Variants in BICRA observed in about 807,000 individuals in gnomAD.
BICRA encodes BRD4-interacting chromatin-remodeling complex-associated protein.
BICRA carries 31 observed loss-of-function variants against 96.9 expected under a neutral mutation model. That is an observed-to-expected ratio of 0.32 (90% CI 0.24 to 0.43). The LOEUF (loss-of-function observed/expected upper bound fraction) is 0.43. Among genes scored for constraint, BICRA ranks in the 20% least tolerant of loss-of-function variants. The pLI, the probability that BICRA is intolerant of heterozygous loss-of-function variation, is 1.00. For synonymous variants in BICRA, 1,350 were observed against 1,071.8 expected (o/e 1.26, Z -5.07); for missense variants, 2,283 against 2,190.3 (o/e 1.04, Z -0.84).
chr19:47,673,983 G>T (rs1191699368), intron 4 of BICRA, among the ~76,000 whole-genome samples: 1 of 152,066 alleles, frequency 6.6e-6, no homozygotes, highest in Non-Finnish European at 1.5e-5. Context: ...ACTAATAAAG[G>T]TAATGGTGAA....
Position 47,680,327 on chromosome 19 carries a change from C to A in BICRA, c.1157C>A (p.Ala386Glu). The A allele has an allele frequency of 6.5e-7, 1 of 1,537,750 alleles. No homozygotes were observed. Among genetic ancestry groups the A allele is most frequent in the Non-Finnish European group, 8.7e-7 (1 of 1,148,862 alleles). ...ATLTIQGEPG[A>E]LPQQPKAPQN... ...CTCACCATCCAGGGCGAGCCGGGGG[C>A]GCTCCCGCAGCAGCCCAAGGCCCCG... Residue 386 changes from alanine (A) to glutamate (E), a missense_variant, in exon 6 of 15, where the codon GCG becomes GAG. Ala to Glu is a moderately radical substitution (Grantham distance 107). Coordinates refer to ENST00000594866, the MANE Select transcript of BICRA (RefSeq NM_001394372.1).
chr19:47,656,423 G>C (rs903581948), intron 1 of BICRA, among the ~76,000 whole-genome samples: 1 of 152,184 alleles, frequency 6.6e-6, no homozygotes, highest in African/African-American at 2.4e-5. Flanking sequence ...CATAAGCCAA[G>C]GTTTTATATT....
chr19:47,622,389 G>T (rs1177227822), intron 1 of BICRA, among the ~76,000 whole-genome samples: 1 of 147,156 alleles, frequency 6.8e-6, no homozygotes, highest in African/African-American at 2.5e-5. Context: ...GAGCCACCAC[G>T]CCTGAGTGTA....
Position 47,701,922 on chromosome 19 carries a change from GC to G in BICRA, c.4193del (p.Pro1398LeufsTer47), listed in dbSNP as rs1568582073. Reference protein sequence around the residue: ...LRKTYRENVGGPGAPEGTPAG... With the variant: ...LRKTYRENVGXPGAPEGTPAG... ...AAGACCTACCGCGAGAACGTGGGGG[GC>G]CCTGGCGCGCCGGAGGGGACGCCCG... On this transcript the variant is annotated frameshift_variant, in exon 15 of 15. Transcript: ENST00000594866. LOFTEE classifies it high-confidence loss of function. This position sits in a 1 kb window ranked among gnomAD's most constrained non-coding sequence, Gnocchi z 5.4. 1 of 1,431,650 alleles carries G rather than the reference GC, an allele frequency of 7.0e-7. No individual in the cohort carries two copies. The highest frequency in any genetic ancestry group is 9.1e-7 in the Non-Finnish European group (1 of 1,101,908). The allele number at this position is 1,431,650 out of a possible 1,614,324, so 88.7% of individuals were successfully genotyped here.
Position 47,675,730 on chromosome 19 carries a change from C to A in BICRA, c.85-121C>A. The A allele has an allele frequency of 1.3e-6, 1 of 776,908 alleles. No homozygotes were observed. Among genetic ancestry groups the A allele is most frequent in the South Asian group, 1.5e-5 (1 of 66,384 alleles). The allele number at this position is 776,908 out of a possible 1,614,324, so 48.1% of individuals were successfully genotyped here. A position where few individuals can be genotyped will look rare whatever the true frequency, so the allele number is the denominator to read the frequency against. On this transcript the variant is annotated intron_variant, in intron 4 of 14. Coordinates refer to ENST00000594866, the MANE Select transcript of BICRA (RefSeq NM_001394372.1). The surrounding 1 kb of genome is among the most constrained non-coding windows in gnomAD (Gnocchi z 4.7). ...CGGAGGCGAGAGTTTCCCATACCCCCAGCCCTCTCCCATCCCAACCCTTGT... is the reference window on the plus strand; with the variant it reads ...CGGAGGCGAGAGTTTCCCATACCCCAAGCCCTCTCCCATCCCAACCCTTGT...
chr19:47,674,919 A>C (rs557753057), intron 4 of BICRA, among the ~76,000 whole-genome samples: 1 of 152,166 alleles, frequency 6.6e-6, no homozygotes, highest in Non-Finnish European at 1.5e-5. Context: ...TCTGGCCAGC[A>C]CTCAGAGGGA....
chr19:47,615,117 G>A (rs1425562520), intron 1 of BICRA, among the ~76,000 whole-genome samples: 5 of 152,136 alleles, frequency 3.3e-5, no homozygotes, highest in Non-Finnish European at 5.9e-5. Flanking sequence ...CCCAGTAGCT[G>A]GGACTACAGG....
intron 1 of BICRA, among the ~76,000 whole-genome samples, chr19:47,641,504 G>C (rs914124480): frequency 6.6e-6 from 1 of 152,082 alleles, no homozygotes; most frequent in Non-Finnish European, 1.5e-5. Context: ...GATGCCTCCA[G>C]CTTTTTTCTT....
intron 1 of BICRA, among the ~76,000 whole-genome samples, chr19:47,635,715 T>C (rs1243672302): frequency 6.6e-6 from 1 of 152,204 alleles, no homozygotes; most frequent in Non-Finnish European, 1.5e-5. Context: ...ATTTGTCCCT[T>C]TGTGTCTGGT....
Position 47,609,644 on chromosome 19 carries a change from G to C in BICRA, c.-108+476G>C, listed in dbSNP as rs974215859. Among the ~76,000 whole-genome samples, 206 of 150,522 alleles carry C rather than the reference G, an allele frequency of 1.4e-3. 1 individual carries two copies. The highest frequency in any genetic ancestry group is 4.8e-3 in the African/African-American group (196 of 41,084). ...CGTCCCGGCCCCCTCCCCTCGCCCCGCTCCCCGCCTTTCGGGGAAGGCGAA... is the reference window on the plus strand; with the variant it reads ...CGTCCCGGCCCCCTCCCCTCGCCCCCCTCCCCGCCTTTCGGGGAAGGCGAA... On this transcript the variant is annotated intron_variant, in intron 1 of 14. Coordinates refer to ENST00000594866, the MANE Select transcript of BICRA (RefSeq NM_001394372.1).
Position 47,675,841 on chromosome 19 carries a change from C to T in BICRA, c.85-10C>T. 3 of 1,600,718 alleles carry T rather than the reference C, an allele frequency of 1.9e-6. No homozygotes were observed. The highest frequency in any genetic ancestry group is 2.6e-6 in the Non-Finnish European group (3 of 1,171,884). On this transcript the variant is annotated splice_polypyrimidine_tract_variant and intron_variant, in intron 4 of 14. Transcript: ENST00000594866. The surrounding 1 kb of genome is among the most constrained non-coding windows in gnomAD (Gnocchi z 4.7). ...ACTTTTGACCTTGGATGGGGCGGGT[C>T]TTGTTGCAGCTTGACAGTGATGACC... is the stretch of plus-strand genomic sequence containing the variant.
At chr19:47,687,176 T>C (rs991540329) in intron 7 of BICRA, among the ~76,000 whole-genome samples, 3 of 152,148 alleles carry the variant, frequency 2.0e-5, no homozygotes, top group African/African-American at 7.2e-5. Flanking sequence ...GGCCATATGG[T>C]CTCTGTTATT....
chr19:47,701,243 G>T lies in BICRA; in HGVS notation c.3596-85G>T. 1 of 888,750 alleles carries T rather than the reference G, an allele frequency of 1.1e-6. No individual in the cohort carries two copies. Among genetic ancestry groups the T allele is most frequent in the Non-Finnish European group, 1.8e-6 (1 of 556,564 alleles). The allele number at this position is 888,750 out of a possible 1,614,324, so 55.1% of individuals were successfully genotyped here. A position where few individuals can be genotyped will look rare whatever the true frequency, so the allele number is the denominator to read the frequency against. On this transcript the variant is annotated intron_variant, in intron 14 of 14. Coordinates refer to ENST00000594866, the MANE Select transcript of BICRA (RefSeq NM_001394372.1). This position sits in a 1 kb window ranked among gnomAD's most constrained non-coding sequence, Gnocchi z 5.4. ...GCAGTCTGGTGCCTGGCAGGTAGTA[G>T]GTGCTCACTGCACACAGCTCCTCCC...
intron 7 of BICRA, among the ~76,000 whole-genome samples, 179 bp downstream of exon 7, chr19:47,682,331 G>A (rs548721892): frequency 1.3e-5 from 2 of 152,220 alleles, no homozygotes; most frequent in Non-Finnish European, 2.9e-5. Context: ...GACCAGGGCC[G>A]GCCCTGGGGG....
chr19:47,658,886 G>A (rs1029475071), intron 1 of BICRA, among the ~76,000 whole-genome samples: 5 of 152,046 alleles, frequency 3.3e-5, no homozygotes, highest in African/African-American at 4.8e-5. Flanking sequence ...CCCTGAATTC[G>A]AAGCCTGCTT....
rs781447075 is a variant in BICRA, at chr19:47,680,637, G to C, written c.1467G>C (p.Leu489=). The change falls in exon 6 of 15, where the codon CTG becomes CTC. Residue 489 remains leucine (L), a synonymous_variant. Transcript: ENST00000594866. The stretch of plus-strand genomic sequence containing the variant: ...AGCTCCCGCAGCAGCTCTCAGCCCT[G>C]CCGGCCAACGTGGGCGGGCAGATCC... ...AVQLPQQLSA[L]PANVGGQILA... 6 of 1,609,694 alleles carry C rather than the reference G, an allele frequency of 3.7e-6. No homozygotes were observed. In the East Asian group the frequency reaches 8.9e-5, roughly 24 times the overall value.
chr19:47,666,519 C>T (rs552436005), intron 1 of BICRA, among the ~76,000 whole-genome samples: 2 of 152,032 alleles, frequency 1.3e-5, no homozygotes, highest in Non-Finnish European at 2.9e-5. Context: ...TCAGTTGATC[C>T]TCCCACCCCG....
At chr19:47,674,775 C>T (rs1193369171) in intron 4 of BICRA, among the ~76,000 whole-genome samples, 6 of 152,184 alleles carry the variant, frequency 3.9e-5, no homozygotes, top group African/African-American at 1.4e-4. Context: ...CACAGCATGG[C>T]AGCTGGCTTC....
intron 1 of BICRA, among the ~76,000 whole-genome samples, chr19:47,609,893 C>T (rs984858743): frequency 6.6e-6 from 1 of 152,260 alleles, no homozygotes; most frequent in South Asian, 2.1e-4. Flanking sequence ...ACCCCCAGCC[C>T]CCGGCAATAG....
Sources: gnomAD v4.1 joint callset for allele counts (sites outside exome capture counted in the v4.1 genomes callset) on GRCh38, gnomAD v4.1.1 for gene constraint, Gnocchi (gnomAD v3.1) non-coding constraint, MANE v1.5 for transcripts, NCBI Gene and HGNC (gene_info 2026-07-23, HGNC 2026-07-21) for gene names.